RELN: variants seen among roughly 807,000 people sequenced by gnomAD.
The protein encoded by RELN is reelin.
A neutral mutation model predicts 427.6 loss-of-function variants in RELN; 108 were observed. The ratio of observed to expected loss-of-function variants is 0.25; its 90% confidence interval spans 0.22 to 0.30. RELN has a LOEUF of 0.30. Ranked by LOEUF, RELN falls within the 10% of genes least tolerant of loss-of-function variation. RELN has a pLI of 1.00. For synonymous variants in RELN, 1,524 were observed against 1,513.4 expected (o/e 1.01, Z -0.16); for missense variants, 3,715 against 4,302.8 (o/e 0.86, Z 3.82).
chr7:103,744,601 G>A (rs1463112407), intron 6 of RELN, among the ~76,000 whole-genome samples: 1 of 152,176 alleles, frequency 6.6e-6, no homozygotes, highest in African/African-American at 2.4e-5. Context: ...TGATCCCACA[G>A]AAATACAAAC....
intron 1 of RELN, among the ~76,000 whole-genome samples, chr7:103,955,225 T>A (rs1796409592): frequency 6.6e-6 from 1 of 152,238 alleles, no homozygotes; most frequent in Non-Finnish European, 1.5e-5. Context: ...AATCTGCTTT[T>A]CTGGACCCCA....
intron 3 of RELN, among the ~76,000 whole-genome samples, chr7:103,786,517 CAAAAA>C (rs66567252): frequency 9.1e-5 from 9 of 98,582 alleles, no homozygotes; most frequent in Non-Finnish European, 1.2e-4. Flanking sequence ...AAAATGGAAC[CAAAAA>C]AAAAAAAAAA....
chr7:103,787,453 G>T (rs1309385460), intron 3 of RELN, among the ~76,000 whole-genome samples: 4 of 151,850 alleles, frequency 2.6e-5, no homozygotes, highest in African/African-American at 7.2e-5. Flanking sequence ...TAATAAAGAA[G>T]AAGAAAAGAG....
intron 1 of RELN, among the ~76,000 whole-genome samples, chr7:103,929,685 C>T (rs1795818923): frequency 6.6e-6 from 1 of 152,212 alleles, no homozygotes; most frequent in Admixed American, 6.5e-5. Flanking sequence ...TCACTACCTT[C>T]AGCACTTTGG....
At position 103,640,565 on chromosome 7, in the gene RELN, G is replaced by T; in HGVS notation, c.2047C>A (p.Gln683Lys). The change falls in exon 17 of 65, where the codon CAG becomes AAG. Residue 683 changes from glutamine to lysine, a missense_variant. Around this residue, in one of 4 missense-constraint regions of RELN, gnomAD observed 2,208 missense variants for 2,361.7 expected, o/e 0.93. Coordinates refer to ENST00000428762, the MANE Select transcript of RELN (RefSeq NM_005045.4). The surrounding 1 kb of genome is among the most constrained non-coding windows in gnomAD (Gnocchi z 4.1). ...SCLKFCSGRG[Q>K]CTRHGCKCDP... The stretch of plus-strand genomic sequence containing the variant: ...TACTTGCAACCATGTCTAGTGCACT[G>T]TCCTCTGCCAGAACAGAATTTGAGA... 6.2e-7 allele frequency: 1 copy of T among 1,613,886 alleles called. No individual in the cohort carries two copies. The highest frequency in any genetic ancestry group is 8.5e-7 in the Non-Finnish European group (1 of 1,179,882).
intron 2 of RELN, among the ~76,000 whole-genome samples, chr7:103,888,028 T>C (rs1286867878): frequency 6.6e-6 from 1 of 152,142 alleles, no homozygotes; most frequent in Non-Finnish European, 1.5e-5. Flanking sequence ...AAACAGTAAC[T>C]AGACTCAGAC....
At chr7:103,669,766 T>A (rs1833350708) in intron 11 of RELN, among the ~76,000 whole-genome samples, 1 of 152,138 alleles carries the variant, frequency 6.6e-6, no homozygotes, top group Non-Finnish European at 1.5e-5. Context: ...TGCAGTTCTA[T>A]GTGAAGTGCA....
rs1176147708 is a variant in RELN, at chr7:103,640,933, G to A, written c.2003-324C>T. On this transcript the variant is annotated intron_variant, in intron 16 of 64. Coordinates refer to ENST00000428762, the MANE Select transcript of RELN (RefSeq NM_005045.4). This position sits in a 1 kb window ranked among gnomAD's most constrained non-coding sequence, Gnocchi z 4.1. ...ATTCTACAAAGTTTATTTTCATTAG[G>A]TAGAAAAAAAATATTTAAAAAGGAC... Among the ~76,000 whole-genome samples the A allele has an allele frequency of 6.6e-6, 1 of 151,922 alleles. No individual in the cohort carries two copies. Among genetic ancestry groups the A allele is most frequent in the South Asian group, 2.1e-4 (1 of 4,826 alleles).
At chr7:103,610,360 T>C (rs904259197) in intron 22 of RELN, among the ~76,000 whole-genome samples, 3 of 152,190 alleles carry the variant, frequency 2.0e-5, no homozygotes, top group Admixed American at 2.0e-4. Flanking sequence ...AATTTCTAGA[T>C]TCCTATATTC....
chr7:103,545,112 A>C lies in RELN; in HGVS notation c.6523+12T>G. On this transcript the variant is annotated intron_variant, in intron 42 of 64. Transcript: ENST00000428762. ...TTCACAAGACTACATAGAATTTGTA[A>C]GAAAAGACTACCTTCGAAATCATCT... The C allele has an allele frequency of 6.2e-7, 1 of 1,608,212 alleles. No homozygotes were observed. Among genetic ancestry groups the C allele is most frequent in the Non-Finnish European group, 8.5e-7 (1 of 1,175,800 alleles).
chr7:103,849,698 A>C (rs1438361649), intron 2 of RELN, among the ~76,000 whole-genome samples: 1 of 152,224 alleles, frequency 6.6e-6, no homozygotes, highest in African/African-American at 2.4e-5. Flanking sequence ...ACTATGGACC[A>C]CATGTCAAAC....
rs1794796315 is a variant in RELN, at chr7:103,889,431, A to C, written c.337+27644T>G. Among the ~76,000 whole-genome samples, 7 of 152,326 alleles carry C rather than the reference A, an allele frequency of 4.6e-5. No individual in the cohort carries two copies. In the South Asian group the frequency reaches 1.5e-3, roughly 32 times the overall value. On this transcript the variant is annotated intron_variant, in intron 2 of 64. Transcript: ENST00000428762. ...AACTTAATGTGTAACTTACGAGTTAAAGTGCATAACTCACGGAAAGTGTGA... is the reference window on the plus strand; with the variant it reads ...AACTTAATGTGTAACTTACGAGTTACAGTGCATAACTCACGGAAAGTGTGA...
chr7:103,625,885 C>T (rs1308242604), intron 20 of RELN, among the ~76,000 whole-genome samples: 1 of 151,958 alleles, frequency 6.6e-6, no homozygotes, highest in Non-Finnish European at 1.5e-5. Flanking sequence ...AAAGAATGTG[C>T]AAGACTGGTG....
intron 2 of RELN, among the ~76,000 whole-genome samples, chr7:103,850,509 A>T (rs954178058): frequency 6.6e-6 from 1 of 152,138 alleles, no homozygotes; most frequent in East Asian, 1.9e-4. Context: ...TCGAGAGGGT[A>T]GCCAGAGGAG....
chr7:103,728,144 G>A lies in RELN; in HGVS notation c.720C>T (p.Val240=). The A allele has an allele frequency of 6.2e-7, 1 of 1,613,836 alleles. No individual in the cohort carries two copies. Among genetic ancestry groups the A allele is most frequent in the Non-Finnish European group, 8.5e-7 (1 of 1,179,880 alleles). Residue 240 remains valine (V), a synonymous_variant, in exon 7 of 65, where the codon GTC becomes GTT. Transcript: ENST00000428762. ...GTGGGCCATATGGTTCACAGAAGGT[G>A]ACGGCATTGCCATGCATAATCGCGC... ...QCGAIMHGNA[V]TFCEPYGPRE... is the part of the protein sequence containing the mutation.
rs374033514 is a variant in RELN, at chr7:103,724,223, C to A, written c.754-1032G>T. The stretch of plus-strand genomic sequence containing the variant: ...TTTGAGACAGACTCTCTCTCTGTTG[C>A]ACTTTGCTTCTTATATGTCTTAATA... On this transcript the variant is annotated intron_variant, in intron 7 of 64. Coordinates refer to ENST00000428762, the MANE Select transcript of RELN (RefSeq NM_005045.4). 9.9e-5 allele frequency among the ~76,000 whole-genome samples: 15 copies of A among 151,780 alleles called. No homozygotes were observed. In the South Asian group the frequency reaches 3.1e-3, roughly 32 times the overall value.
At chr7:103,516,161 C>G (rs1829562400) in intron 49 of RELN, among the ~76,000 whole-genome samples, 2 of 152,064 alleles carry the variant, frequency 1.3e-5, no homozygotes, top group Admixed American at 1.3e-4. Flanking sequence ...GTCTAAAATG[C>G]CCTTTAATCA....
chr7:103,723,029 A>G, intron 8 of RELN, 111 bp downstream of exon 8: 1 of 702,910 alleles, frequency 1.4e-6, no homozygotes, highest in Non-Finnish European at 2.6e-6. Context: ...CAAAATTAAG[A>G]CTTACTATTC....
chr7:103,606,213 G>A (rs1764321483), intron 22 of RELN, among the ~76,000 whole-genome samples: 1 of 152,152 alleles, frequency 6.6e-6, no homozygotes, highest in South Asian at 2.1e-4. Flanking sequence ...TAGATTGTGA[G>A]CTCTTTGGGG....
Sources: gnomAD v4.1 joint callset for allele counts (sites outside exome capture counted in the v4.1 genomes callset) on GRCh38, gnomAD v4.1.1 for gene constraint, gnomAD v4.1.1 regional missense constraint, Gnocchi (gnomAD v3.1) non-coding constraint, MANE v1.5 for transcripts, NCBI Gene and HGNC (gene_info 2026-07-23, HGNC 2026-07-21) for gene names.